Variants in KNOP1 observed in about 807,000 individuals in gnomAD.
KNOP1 encodes lysine-rich nucleolar protein 1.
A neutral mutation model predicts 30.6 loss-of-function variants in KNOP1; 20 were observed. That is an observed-to-expected ratio of 0.65 (90% confidence interval 0.46 to 0.95). The LOEUF is 0.95. Ranked by LOEUF, KNOP1 falls within the 40% of genes least tolerant of loss-of-function variation. The pLI is 0.00. For missense variants in KNOP1, 540 were observed against 562.0 expected, an observed-to-expected ratio of 0.96 and a Z score of 0.40; for synonymous variants, 204 against 210.0, an observed-to-expected ratio of 0.97 and a Z score of 0.25.
rs780679187 is a variant in KNOP1, at chr16:19,710,660, C to T, written c.988-74G>A. ...TCAAGCTTAAAACCCAGGACAGAGA[C>T]GGGGCTGGGGGAACGGAACGTGGGA... is the stretch of plus-strand genomic sequence containing the variant. On this transcript the variant is annotated intron_variant, in intron 3 of 4. Transcript: ENST00000219837. 63 of 1,281,990 alleles carry T rather than the reference C, an allele frequency of 4.9e-5. No individual in the cohort carries two copies. In the Middle Eastern group the frequency reaches 2.1e-3, roughly 42 times the overall value. The allele number at this position is 1,281,990 out of a possible 1,614,324, so 79.4% of individuals were successfully genotyped here.
In KNOP1 at chr16:19,702,340, T is replaced by C. The variant is rs1976195457; in HGVS notation, c.*4570A>G. The C allele has an allele frequency of 6.6e-6, 1 of 152,248 alleles. No individual in the cohort carries two copies. Among genetic ancestry groups the C allele is most frequent in the African/African-American group, 2.4e-5 (1 of 41,476 alleles). The allele number at this position is 152,248 out of a possible 1,614,324, so 9.4% of individuals were successfully genotyped here. ...ACTTTTACTGTGTGATGCTATAAAA[T>C]GAAAAACAATTGGCAAATTCACAAA... On this transcript the variant is annotated 3_prime_UTR_variant, in exon 5 of 5. Coordinates refer to ENST00000219837, the MANE Select transcript of KNOP1 (RefSeq NM_001012991.3).
chr16:19,716,166 C>T (rs1427494150), intron 1 of KNOP1, among the ~76,000 whole-genome samples: 2 of 152,196 alleles, frequency 1.3e-5, no homozygotes, highest in African/African-American at 4.8e-5. Flanking sequence ...TCATTCATTG[C>T]TGTCTGCCCT....
rs1295310445 is a variant in KNOP1 at position 19,710,294 on chromosome 16, C to CCAGCTCTCTAGGAGGGAGGCA, written c.1065+194_1065+214dup. On this transcript the variant is annotated intron_variant, in intron 4 of 4. Transcript: ENST00000219837. Reference sequence around the variant, plus strand: ...GGTTCAGGCAGCTTATCTCACCGGGCCAGCTCTCTAGGAGGGAGGCAAGCG... The same window carrying CCAGCTCTCTAGGAGGGAGGCA: ...GGTTCAGGCAGCTTATCTCACCGGGCCAGCTCTCTAGGAGGGAGGCACAGCTCTCTAGGAGGGAGGCAAGCG... 4.9e-6 allele frequency: 3 copies of CCAGCTCTCTAGGAGGGAGGCA among 610,192 alleles called. No individual in the cohort carries two copies. In the African/African-American group the frequency reaches 5.5e-5, roughly 11 times the overall value. The allele number at this position is 610,192 out of a possible 1,614,324, so 37.8% of individuals were successfully genotyped here.
chr16:19,708,084 G>A (rs114500383), intron 4 of KNOP1, among the ~76,000 whole-genome samples: 3,805 of 150,930 alleles, frequency 0.025, 154 homozygotes, highest in African/African-American at 0.086. Flanking sequence ...CCCAGCAGCC[G>A]GGCGCACTCA....
intron 3 of KNOP1, 74 bp from the exon 4 acceptor site, chr16:19,710,660 CG>C: frequency 1.6e-6 from 2 of 1,282,108 alleles, no homozygotes; most frequent in Admixed American, 1.7e-5. Flanking sequence ...AGGACAGAGA[CG>C]GGGCTGGGGG....
In KNOP1 at chr16:19,706,062, C is replaced by CCAG. The variant is rs1476594169; in HGVS notation, c.*845_*847dup. 1 of 152,268 alleles carries CCAG rather than the reference C, an allele frequency of 6.6e-6. No homozygotes were observed. Among genetic ancestry groups the CCAG allele is most frequent in the East Asian group, 1.9e-4 (1 of 5,202 alleles). The allele number at this position is 152,268 out of a possible 1,614,324, so 9.4% of individuals were successfully genotyped here. A position where few individuals can be genotyped will look rare whatever the true frequency, so the allele number is the denominator to read the frequency against. On this transcript the variant is annotated 3_prime_UTR_variant, in exon 5 of 5. Coordinates refer to ENST00000219837, the MANE Select transcript of KNOP1 (RefSeq NM_001012991.3). ...CAGGACTGGTTTAGAGGCACATTTC[C>CCAG]CAGCAGCAGCAGCTCAGTCACATGT...
In KNOP1 at chr16:19,711,711, C is replaced by T. The variant is rs117558827; in HGVS notation, c.919-271G>A. The T allele has an allele frequency of 5.8e-3, 2,715 of 470,654 alleles. 40 individuals are homozygous for T. The highest frequency in any genetic ancestry group is 0.044 in the Admixed American group (1,306 of 29,886). The allele number at this position is 470,654 out of a possible 1,614,324, so 29.2% of individuals were successfully genotyped here. On this transcript the variant is annotated intron_variant, in intron 2 of 4. Coordinates refer to ENST00000219837, the MANE Select transcript of KNOP1 (RefSeq NM_001012991.3). ...GTAAAGTGACTACAAGGTTACCCCA[C>T]GGCTCAGGGACTGGTGATTCTAACC...
At chr16:19,709,971 A>G (rs1162282494) in intron 4 of KNOP1, among the ~76,000 whole-genome samples, 1 of 152,100 alleles carries the variant, frequency 6.6e-6, no homozygotes, top group African/African-American at 2.4e-5. Flanking sequence ...CCCAGCACAG[A>G]GCCCCCACTG....
chr16:19,710,539 T>A lies in KNOP1; in HGVS notation c.1035A>T (p.Lys345Asn), dbSNP rs773289811. The stretch of plus-strand genomic sequence containing the variant: ...ACTTCCTGGTTTCAGAAGCTTCCGT[T>A]TTGCCTGACTCGCGATCGATCTCTT... ...LQEEIDRESG[K>N]TEASETRKWT... Residue 345 changes from lysine (K) to asparagine (N), a missense_variant, in exon 4 of 5, where the codon AAA (lysine) becomes AAT (asparagine). Physicochemically the swap from Lys to Asn is moderately conservative, Grantham distance 94. Transcript: ENST00000219837. 1 of 1,612,622 alleles carries A rather than the reference T, an allele frequency of 6.2e-7. No homozygotes were observed. Among genetic ancestry groups the A allele is most frequent in the Admixed American group, 1.7e-5 (1 of 60,024 alleles).
intron 2 of KNOP1, 34 bp from the exon 3 acceptor site, chr16:19,711,474 G>C (rs370042627): frequency 5.0e-6 from 8 of 1,605,644 alleles, no homozygotes; most frequent in Non-Finnish European, 6.8e-6. Flanking sequence ...TAAGGTTCAA[G>C]TTTACAATGA....
At position 19,703,810 on chromosome 16, in the gene KNOP1, C is replaced by T. The variant is rs1207390996; in HGVS notation, c.*3100G>A. On this transcript the variant is annotated 3_prime_UTR_variant, in exon 5 of 5. Transcript: ENST00000219837. ...AAGATTAAGTCCATTCTGAAGACAC[C>T]CAGCATTGTGGTGTCTTGGCTGCCC... 6.6e-6 allele frequency: 1 copy of T among 152,140 alleles called. No homozygotes were observed. Among genetic ancestry groups the T allele is most frequent in the African/African-American group, 2.4e-5 (1 of 41,436 alleles). The allele number at this position is 152,140 out of a possible 1,614,324, so 9.4% of individuals were successfully genotyped here. A position where few individuals can be genotyped will look rare whatever the true frequency, so the allele number is the denominator to read the frequency against.
At chr16:19,708,721 G>A (rs905628855) in intron 4 of KNOP1, among the ~76,000 whole-genome samples, 1 of 152,172 alleles carries the variant, frequency 6.6e-6, no homozygotes, top group East Asian at 1.9e-4. Flanking sequence ...CACTACAGCT[G>A]CCCTGAGTGA....
rs959411808 is a variant in KNOP1 at position 19,705,020 on chromosome 16, T to G, written c.*1890A>C. On this transcript the variant is annotated 3_prime_UTR_variant, in exon 5 of 5. Transcript: ENST00000219837. ...CCAGCCTTCCCATGACAGGGGCGGG[T>G]GCAGCTATGGGCAGATGACTCATTG... 5 of 362,454 alleles carry G rather than the reference T, an allele frequency of 1.4e-5. No individual in the cohort carries two copies. The Middle Eastern group carries it at 1.7e-3, about 126-fold the overall frequency. The allele number at this position is 362,454 out of a possible 1,614,324, so 22.5% of individuals were successfully genotyped here.
chr16:19,717,365 G>A (rs1977202322), intron 1 of KNOP1: 1 of 985,320 alleles, frequency 1.0e-6, no homozygotes, highest in Admixed American at 6.2e-5. Context: ...AAATAGTGTA[G>A]TCAGGAGAGC....
chr16:19,712,472 A>G (rs1242111564), intron 2 of KNOP1, among the ~76,000 whole-genome samples: 1 of 152,236 alleles, frequency 6.6e-6, no homozygotes, highest in Non-Finnish European at 1.5e-5. Context: ...GGCTTCTACA[A>G]GAGGTTACAT....
Position 19,714,862 on chromosome 16 carries a change from T to G in KNOP1, c.174A>C (p.Ala58=). The part of the protein sequence containing the change: ...SPSKSVAHGQ[A]PEMPLVKKKK... ...TTTTCTTCACTAGAGGCATCTCAGGTGCCTGCCCATGGGCCACACTCTTAG... is the reference window on the plus strand; with the variant it reads ...TTTTCTTCACTAGAGGCATCTCAGGGGCCTGCCCATGGGCCACACTCTTAG... The change falls in exon 2 of 5, where the codon GCA becomes GCC. Residue 58 remains alanine (A), a synonymous_variant. Coordinates refer to ENST00000219837, the MANE Select transcript of KNOP1 (RefSeq NM_001012991.3). The G allele has an allele frequency of 6.2e-7, 1 of 1,613,674 alleles. No individual in the cohort carries two copies. The highest frequency in any genetic ancestry group is 8.5e-7 in the Non-Finnish European group (1 of 1,179,910).
At chr16:19,715,111 G>T in intron 1 of KNOP1, 74 bp from the exon 2 acceptor site, 1 of 1,132,380 alleles carries the variant, frequency 8.8e-7, no homozygotes, top group Non-Finnish European at 1.2e-6. Flanking sequence ...ATTGCCAAGA[G>T]CCATGTTTCT....
Position 19,703,447 on chromosome 16 carries a change from C to CAA in KNOP1, c.*3461_*3462dup. The CAA allele has an allele frequency of 6.6e-6, 1 of 152,132 alleles. No individual in the cohort carries two copies. Among genetic ancestry groups the CAA allele is most frequent in the East Asian group, 1.9e-4 (1 of 5,204 alleles). 9.4% of individuals were successfully genotyped at this position (152,132 alleles called of 1,614,324 possible). ...TCCTGTTTTAAGGTCAGCTGATTAG[C>CAA]AAACTTAATTCCCTTTTGTTTCGTA... is the stretch of plus-strand genomic sequence containing the variant. On this transcript the variant is annotated 3_prime_UTR_variant, in exon 5 of 5. Transcript: ENST00000219837.
intron 1 of KNOP1, chr16:19,717,311 G>A (rs1365709727): frequency 1.0e-6 from 1 of 985,342 alleles, no homozygotes; most frequent in Non-Finnish European, 1.2e-6. Flanking sequence ...TTAAATAAGT[G>A]GGCAGAGATA....
Sources: allele counts gnomAD v4.1 joint callset (sites outside exome capture counted in the v4.1 genomes callset), GRCh38; gene constraint gnomAD v4.1.1; transcripts MANE v1.5; gene names NCBI Gene and HGNC (gene_info 2026-07-23, HGNC 2026-07-21).